The following POLK variants were observed in gnomAD, a reference collection of about 807,000 sequenced individuals.
The protein encoded by POLK is polymerase (DNA directed) kappa.
POLK carries 76 observed loss-of-function variants against 94.0 expected under a neutral mutation model. That is an observed-to-expected ratio of 0.81 (90% confidence interval 0.67 to 0.98). The LOEUF (loss-of-function observed/expected upper bound fraction) is 0.98, where lower values mean the gene tolerates loss of function less well. POLK is among the 50% of genes least tolerant of loss of function. POLK has a pLI of 0.00. For missense variants in POLK, 954 were observed against 1,010.1 expected (o/e 0.94, Z 0.75); for synonymous variants, 349 against 325.4 (o/e 1.07, Z -0.78).
chr5:75,517,126 G>C (rs550741727), intron 1 of POLK, among the ~76,000 whole-genome samples: 2 of 152,272 alleles, frequency 1.3e-5, no homozygotes, highest in African/African-American at 4.8e-5. Flanking sequence ...TGGCTATTCA[G>C]AGTCTTTTTG....
At chr5:75,603,427 C>CA (rs11350660), downstream of POLK, among the ~76,000 whole-genome samples, 626 of 133,882 alleles carry the variant, frequency 4.7e-3, no homozygotes, top group Non-Finnish European at 7.2e-3. Context: ...ACTCTCATGT[C>CA]AAAAAAAAAA....
chr5:75,519,761 T>G (rs1768483437), intron 1 of POLK, among the ~76,000 whole-genome samples: 1 of 152,208 alleles, frequency 6.6e-6, no homozygotes, highest in Non-Finnish European at 1.5e-5. Flanking sequence ...GAGTGTTATG[T>G]GTGTCTGTGT....
At chr5:75,588,131 A>G (rs1050233365) in intron 10 of POLK, among the ~76,000 whole-genome samples, 1 of 152,178 alleles carries the variant, frequency 6.6e-6, no homozygotes, top group African/African-American at 2.4e-5. Context: ...TAGTATTGCC[A>G]TATTTGATAA....
upstream of POLK, chr5:75,511,145 C>T: frequency 6.2e-7 from 1 of 1,608,204 alleles, no homozygotes; most frequent in South Asian, 1.1e-5. Context: ...CCACAGGCGG[C>T]CCAGACTCCG....
chr5:75,569,496 A>G lies in POLK; in HGVS notation c.408+4A>G, dbSNP rs1455858474. On this transcript the variant is annotated splice_donor_region_variant and intron_variant, in intron 4 of 14. Transcript: ENST00000241436. ...TGTAGGATCAATGAGTATGCTGGTA[A>G]GTAAAGATCAAATACAAAAAGGAAA... 3 of 1,601,024 alleles carry G rather than the reference A, an allele frequency of 1.9e-6. No individual in the cohort carries two copies. Among genetic ancestry groups the G allele is most frequent in the South Asian group, 2.3e-5 (2 of 88,348 alleles).
At chr5:75,531,963 C>T (rs143453613) in intron 1 of POLK, among the ~76,000 whole-genome samples, 112 of 152,244 alleles carry the variant, frequency 7.4e-4, no homozygotes, top group African/African-American at 2.6e-3. Context: ...CTTCTATGGT[C>T]ACTCACATGA....
chr5:75,581,989 A>G (rs1056666209), intron 7 of POLK: 3 of 984,290 alleles, frequency 3.0e-6, no homozygotes, highest in East Asian at 1.1e-4. Flanking sequence ...CATAAATTTC[A>G]TATAGCTATC....
chr5:75,532,161 G>A (rs1219640016), intron 1 of POLK, among the ~76,000 whole-genome samples: 1 of 152,136 alleles, frequency 6.6e-6, no homozygotes, highest in Non-Finnish European at 1.5e-5. Flanking sequence ...TGCATGCCAT[G>A]GGGTATGGTG....
intron 11 of POLK, among the ~76,000 whole-genome samples, chr5:75,590,788 T>G (rs5744695): frequency 1.0e-3 from 159 of 152,314 alleles, no homozygotes; most frequent in African/African-American, 3.6e-3. Flanking sequence ...GAGAATTGTA[T>G]TCACATATTA....
chr5:75,533,222 T>C (rs972431989), intron 1 of POLK, among the ~76,000 whole-genome samples: 1 of 152,212 alleles, frequency 6.6e-6, no homozygotes, highest in African/African-American at 2.4e-5. Context: ...TTTTAGGTTT[T>C]ACATTTAAGT....
At chr5:75,547,014 G>T in exon 2 of POLK, 1 of 1,471,638 alleles carries the variant, frequency 6.8e-7, no homozygotes, top group East Asian at 2.6e-5. Context: ...TTTCAGATAA[G>T]TTTATACCAT....
chr5:75,591,280 C>G (rs866235784), intron 11 of POLK, among the ~76,000 whole-genome samples: 19 of 151,994 alleles, frequency 1.3e-4, no homozygotes, highest in Admixed American at 2.0e-4. Context: ...TTACTATGTT[C>G]ATATAATGCA....
intron 5 of POLK, among the ~76,000 whole-genome samples, chr5:75,574,871 CTAATCATAAATATAGCCTTT>C (rs1771790483): frequency 6.6e-6 from 1 of 152,180 alleles, no homozygotes; most frequent in Admixed American, 6.5e-5. Flanking sequence ...AGATAAAATA[CTAATCATAAATATAGCCTTT>C]TAAGAAGTTT....
At chr5:75,518,994 C>T (rs1580904617) in intron 1 of POLK, among the ~76,000 whole-genome samples, 1 of 152,222 alleles carries the variant, frequency 6.6e-6, no homozygotes, top group African/African-American at 2.4e-5. Context: ...ATAGGCATAA[C>T]ACCACCAAGC....
chr5:75,559,427 T>C (rs1391469918), intron 3 of POLK, among the ~76,000 whole-genome samples: 13 of 152,044 alleles, frequency 8.6e-5, no homozygotes. Flanking sequence ...TAGACAGATG[T>C]TTATGTTACA....
chr5:75,595,890 C>T (rs946675918), intron 12 of POLK, among the ~76,000 whole-genome samples: 2 of 151,920 alleles, frequency 1.3e-5, no homozygotes, highest in African/African-American at 4.8e-5. Flanking sequence ...CCTAAAATTC[C>T]TCTAAAAAAT....
intron 2 of POLK, 130 bp from the exon 3 acceptor site, chr5:75,552,341 GT>G (rs748464521): frequency 1.7e-5 from 12 of 717,626 alleles, no homozygotes; most frequent in Non-Finnish European, 2.4e-5. Context: ...CACCTAGCTA[GT>G]AAGTAGTAGA....
At chr5:75,516,044 T>C (rs945868353) in intron 1 of POLK, among the ~76,000 whole-genome samples, 1 of 152,196 alleles carries the variant, frequency 6.6e-6, no homozygotes, top group African/African-American at 2.4e-5. Flanking sequence ...TTGAGAAATG[T>C]CTATTCTTTT....
chr5:75,552,692 T>C (rs1770392765), intron 3 of POLK, 101 bp downstream of exon 3: 3 of 1,153,014 alleles, frequency 2.6e-6, no homozygotes, highest in Non-Finnish European at 3.7e-6. Context: ...GAAATGTAAA[T>C]GTTCATTATA....
Sources: gnomAD v4.1 joint callset for allele counts (sites outside exome capture counted in the v4.1 genomes callset) on GRCh38, gnomAD v4.1.1 for gene constraint, MANE v1.5 for transcripts, NCBI Gene and HGNC (gene_info 2026-07-23, HGNC 2026-07-21) for gene names.